Variants in FEV observed in about 807,000 individuals in gnomAD.
FEV encodes FEV transcription factor, ETS family member, also known as protein FEV.
Under a neutral mutation model 20.5 loss-of-function variants are expected in FEV, and 14 were observed. That is an observed-to-expected ratio of 0.68 (90% CI 0.45 to 1.07). FEV has a LOEUF of 1.07. Ranked by LOEUF, FEV falls within the 50% of genes least tolerant of loss-of-function variation. The probability of loss-of-function intolerance (pLI) is 0.00; values close to 1 mark genes in which losing one functional copy is unlikely to be tolerated. For synonymous variants in FEV, 188 were observed against 163.7 expected, an observed-to-expected ratio of 1.15 and a Z score of -1.13; for missense variants, 301 against 345.3, an observed-to-expected ratio of 0.87 and a Z score of 1.02.
In FEV at chr2:218,984,118, G is replaced by A. The variant is rs1362634219; in HGVS notation, c.127+113C>T. 9.4e-6 allele frequency: 10 copies of A among 1,067,396 alleles called. No individual in the cohort carries two copies. Among genetic ancestry groups the A allele is most frequent in the Non-Finnish European group, 1.1e-5 (8 of 742,808 alleles). 66.1% of individuals were successfully genotyped at this position (1,067,396 alleles called of 1,614,324 possible). On this transcript the variant is annotated intron_variant, in intron 2 of 2. Transcript: ENST00000295727. The surrounding 1 kb of genome is among the most constrained non-coding windows in gnomAD (Gnocchi z 5.0). ...CCAAGGCCTCCGCACAACCAGGCCAGGACTCCGGGCTTCAGTGTGAACCCT... is the reference window on the plus strand; with the variant it reads ...CCAAGGCCTCCGCACAACCAGGCCAAGACTCCGGGCTTCAGTGTGAACCCT...
Position 218,981,478 on chromosome 2 carries a change from G to A in FEV, c.*189C>T, listed in dbSNP as rs1945383561. 2 of 440,888 alleles carry A rather than the reference G, an allele frequency of 4.5e-6. No homozygotes were observed. The allele number at this position is 440,888 out of a possible 1,614,324, so 27.3% of individuals were successfully genotyped here. ...CCTCAGGGGACTGCGGGGTGGGACA[G>A]GAGCAAATCTAGTACCAGACAAGGA... On this transcript the variant is annotated 3_prime_UTR_variant, in exon 3 of 3. Coordinates refer to ENST00000295727, the MANE Select transcript of FEV (RefSeq NM_017521.3). The surrounding 1 kb of genome is among the most constrained non-coding windows in gnomAD (Gnocchi z 4.5).
intron 2 of FEV, among the ~76,000 whole-genome samples, chr2:218,983,748 G>A (rs557305156): frequency 1.3e-5 from 2 of 152,206 alleles, no homozygotes; most frequent in Non-Finnish European, 2.9e-5. Context: ...GTGAACCTGG[G>A]AATCAATTGC....
chr2:218,981,837 C>G lies in FEV; in HGVS notation c.547G>C (p.Ala183Pro), dbSNP rs1945389689. 8.1e-7 allele frequency: 1 copy of G among 1,235,668 alleles called. No homozygotes were observed. The highest frequency in any genetic ancestry group is 3.9e-5 in the South Asian group (1 of 25,698). The allele number at this position is 1,235,668 out of a possible 1,614,324, so 76.5% of individuals were successfully genotyped here. Residue 183 changes from alanine (A) to proline (P), a missense_variant, in exon 3 of 3, where the codon GCC becomes CCC. By Grantham distance (27) the Ala-to-Pro change is conservative. Transcript: ENST00000295727. This position sits in a 1 kb window ranked among gnomAD's most constrained non-coding sequence, Gnocchi z 4.5. The stretch of plus-strand genomic sequence containing the variant: ...CCGGCGGGCGCGACCCCGGCCGAGG[C>G]GGCCATGAGGTTGAGTTTGGAGAGG... Reference protein sequence around the residue: ...PGLSKLNLMAASAGVAPAGFS... With the variant: ...PGLSKLNLMAPSAGVAPAGFS...
chr2:218,981,938 G>A lies in FEV; in HGVS notation c.446C>T (p.Ala149Val). 1.4e-6 allele frequency: 2 copies of A among 1,390,774 alleles called. No homozygotes were observed. The highest frequency in any genetic ancestry group is 3.8e-5 in the South Asian group (2 of 53,040). The allele number at this position is 1,390,774 out of a possible 1,614,324, so 86.2% of individuals were successfully genotyped here. A position where few individuals can be genotyped will look rare whatever the true frequency, so the allele number is the denominator to read the frequency against. ...PAHAHAAAAA[A>V]AAAAAAQDGA... is the part of the protein sequence containing the mutation. ...GTCCTGGGCGGCCGCGGCGGCGGCA[G>A]CAGCTGCGGCGGCGGCATGAGCGTG... is the stretch of plus-strand genomic sequence containing the variant. The change falls in exon 3 of 3, where the codon GCT (alanine) becomes GTT (valine). Residue 149 changes from alanine (A) to valine (V), a missense_variant. Physicochemically the swap from Ala to Val is moderately conservative, Grantham distance 64. Transcript: ENST00000295727. The surrounding 1 kb of genome is among the most constrained non-coding windows in gnomAD (Gnocchi z 4.5).
In FEV at chr2:218,981,495, A is replaced by T; in HGVS notation, c.*172T>A. ...GTGGGACAGGAGCAAATCTAGTACC[A>T]GACAAGGATTGAGGGAGCTTCGGTC... On this transcript the variant is annotated 3_prime_UTR_variant, in exon 3 of 3. Transcript: ENST00000295727. The surrounding 1 kb of genome is among the most constrained non-coding windows in gnomAD (Gnocchi z 4.5). 2.1e-6 allele frequency: 1 copy of T among 468,096 alleles called. No individual in the cohort carries two copies. Among genetic ancestry groups the T allele is most frequent in the Non-Finnish European group, 3.4e-6 (1 of 291,562 alleles). 29.0% of individuals were successfully genotyped at this position (468,096 alleles called of 1,614,324 possible).
rs1217003670 is a variant in FEV at position 218,985,103 on chromosome 2, TG to T, written c.-29del. On this transcript the variant is annotated 5_prime_UTR_variant, in exon 1 of 3. Transcript: ENST00000295727. ...CCGCCGGGGACTGGGCGGTGGGAGA[TG>T]GGGGGGACGGGGAAGGGGGGCGAGG... The T allele has an allele frequency of 3.2e-5, 43 of 1,343,914 alleles. No individual in the cohort carries two copies. Among genetic ancestry groups the T allele is most frequent in the Middle Eastern group, 1.9e-4 (1 of 5,304 alleles). 83.2% of individuals were successfully genotyped at this position (1,343,914 alleles called of 1,614,324 possible).
Position 218,981,829 on chromosome 2 carries a change from G to A in FEV, c.555C>T (p.Ala185=). ...AGGAGAAGCCGGCGGGCGCGACCCC[G>A]GCCGAGGCGGCCATGAGGTTGAGTT... ...LSKLNLMAAS[A]GVAPAGFSYW... Residue 185 remains alanine (A), a synonymous_variant, in exon 3 of 3, where the codon GCC becomes GCT. Transcript: ENST00000295727. The surrounding 1 kb of genome is among the most constrained non-coding windows in gnomAD (Gnocchi z 4.5). 1 of 1,237,570 alleles carries A rather than the reference G, an allele frequency of 8.1e-7. No homozygotes were observed. Among genetic ancestry groups the A allele is most frequent in the Non-Finnish European group, 1.0e-6 (1 of 995,272 alleles). The allele number at this position is 1,237,570 out of a possible 1,614,324, so 76.7% of individuals were successfully genotyped here.
chr2:218,982,986 C>G (rs1222566267), intron 2 of FEV, among the ~76,000 whole-genome samples: 4 of 152,222 alleles, frequency 2.6e-5, no homozygotes, highest in African/African-American at 9.6e-5. Context: ...TCTGCGCTGG[C>G]CCTGAGAATT....
Position 218,984,193 on chromosome 2 carries a change from A to G in FEV, c.127+38T>C, listed in dbSNP as rs771196900. 9.0e-6 allele frequency: 14 copies of G among 1,556,432 alleles called. No individual in the cohort carries two copies. The Admixed American group carries it at 2.3e-4, about 25-fold the overall frequency. ...GTCCGCCTGTGCCCTGACCCCAACC[A>G]ACCTCGCCTCCGCCGCCCAGCGCGC... On this transcript the variant is annotated intron_variant, in intron 2 of 2. Transcript: ENST00000295727. The surrounding 1 kb of genome is among the most constrained non-coding windows in gnomAD (Gnocchi z 5.0).
rs527287063 is a variant in FEV at position 218,982,490 on chromosome 2, G to C, written c.128-234C>G. Among the ~76,000 whole-genome samples, 6 of 152,354 alleles carry C rather than the reference G, an allele frequency of 3.9e-5. No homozygotes were observed. In the South Asian group the frequency reaches 1.0e-3, roughly 26 times the overall value. On this transcript the variant is annotated intron_variant, in intron 2 of 2. Transcript: ENST00000295727. ...ATGGAAATGCGGCTTCCACTGAAGAGCACGTAGCTTTCCAGATGCACGGTT... is the reference window on the plus strand; with the variant it reads ...ATGGAAATGCGGCTTCCACTGAAGACCACGTAGCTTTCCAGATGCACGGTT...
At chr2:218,983,763 G>A (rs936213857) in intron 2 of FEV, among the ~76,000 whole-genome samples, 2 of 152,200 alleles carry the variant, frequency 1.3e-5, no homozygotes, top group African/African-American at 4.8e-5. Context: ...AATTGCAATC[G>A]TCTGGCAGAG....
chr2:218,982,288 G>A (rs1333305262), intron 2 of FEV, 32 bp from the exon 3 acceptor site: 1 of 1,524,074 alleles, frequency 6.6e-7, no homozygotes, highest in South Asian at 1.2e-5. Context: ...GCCACAGGCG[G>A]GAGCGGGGAG....
chr2:218,984,115 C>T lies in FEV; in HGVS notation c.127+116G>A. 9.6e-7 allele frequency: 1 copy of T among 1,039,400 alleles called. No individual in the cohort carries two copies. Among genetic ancestry groups the T allele is most frequent in the Non-Finnish European group, 1.4e-6 (1 of 718,462 alleles). The allele number at this position is 1,039,400 out of a possible 1,614,324, so 64.4% of individuals were successfully genotyped here. ...TTCCCAAGGCCTCCGCACAACCAGG[C>T]CAGGACTCCGGGCTTCAGTGTGAAC... On this transcript the variant is annotated intron_variant, in intron 2 of 2. Coordinates refer to ENST00000295727, the MANE Select transcript of FEV (RefSeq NM_017521.3). The surrounding 1 kb of genome is among the most constrained non-coding windows in gnomAD (Gnocchi z 5.0).
rs1159807755 is a variant in FEV at position 218,984,031 on chromosome 2, G to A, written c.127+200C>T. Among the ~76,000 whole-genome samples the A allele has an allele frequency of 1.3e-5, 2 of 152,186 alleles. No individual in the cohort carries two copies. The highest frequency in any genetic ancestry group is 2.9e-5 in the Non-Finnish European group (2 of 68,030). On this transcript the variant is annotated intron_variant, in intron 2 of 2. Transcript: ENST00000295727. This position sits in a 1 kb window ranked among gnomAD's most constrained non-coding sequence, Gnocchi z 5.0. ...GCTGGGATCCTCTCCATCTGCCTTG[G>A]CCTGCAACTCTTTTCCTGGTGCTCA... is the stretch of plus-strand genomic sequence containing the variant.
Position 218,981,509 on chromosome 2 carries a change from G to A in FEV, c.*158C>T, listed in dbSNP as rs904486679. On this transcript the variant is annotated 3_prime_UTR_variant, in exon 3 of 3. Coordinates refer to ENST00000295727, the MANE Select transcript of FEV (RefSeq NM_017521.3). This position sits in a 1 kb window ranked among gnomAD's most constrained non-coding sequence, Gnocchi z 4.5. Reference sequence around the variant, plus strand: ...AATCTAGTACCAGACAAGGATTGAGGGAGCTTCGGTCCCGTCCCCCTGCTA... The same window carrying A: ...AATCTAGTACCAGACAAGGATTGAGAGAGCTTCGGTCCCGTCCCCCTGCTA... The A allele has an allele frequency of 1.9e-6, 1 of 516,816 alleles. No individual in the cohort carries two copies. Among genetic ancestry groups the A allele is most frequent in the Non-Finnish European group, 3.0e-6 (1 of 335,888 alleles). 32.0% of individuals were successfully genotyped at this position (516,816 alleles called of 1,614,324 possible). A position where few individuals can be genotyped will look rare whatever the true frequency, so the allele number is the denominator to read the frequency against.
At position 218,984,952 on chromosome 2, in the gene FEV, T is replaced by G; in HGVS notation, c.52+72A>C. ...CTCCTTCCCCTGGACCCCAGCACTC[T>G]CTTCCCATGCCTGAGCCTAGACTTC... On this transcript the variant is annotated intron_variant, in intron 1 of 2. Transcript: ENST00000295727. This position sits in a 1 kb window ranked among gnomAD's most constrained non-coding sequence, Gnocchi z 5.0. 7.2e-7 allele frequency: 1 copy of G among 1,385,484 alleles called. No individual in the cohort carries two copies. The highest frequency in any genetic ancestry group is 1.4e-5 in the African/African-American group (1 of 69,912). The allele number at this position is 1,385,484 out of a possible 1,614,324, so 85.8% of individuals were successfully genotyped here.
In FEV at chr2:218,981,694, G is replaced by C; in HGVS notation, c.690C>G (p.Ala230=). Reference sequence around the variant, plus strand: ...AGTGGTAATGGCCCCCCAAGTGCGAGGCTGCGGCCACGGCCCCGAAGGGCC... The same window carrying C: ...AGTGGTAATGGCCCCCCAAGTGCGACGCTGCGGCCACGGCCCCGAAGGGCC... ...PPGPFGAVAA[A]SHLGGHYH is the part of the protein sequence containing the mutation. Residue 230 remains alanine, a synonymous_variant, in exon 3 of 3, where the codon GCC becomes GCG. Coordinates refer to ENST00000295727, the MANE Select transcript of FEV (RefSeq NM_017521.3). This position sits in a 1 kb window ranked among gnomAD's most constrained non-coding sequence, Gnocchi z 4.5. The C allele has an allele frequency of 7.4e-7, 1 of 1,342,696 alleles. No individual in the cohort carries two copies. Among genetic ancestry groups the C allele is most frequent in the Non-Finnish European group, 9.5e-7 (1 of 1,052,932 alleles). 83.2% of individuals were successfully genotyped at this position (1,342,696 alleles called of 1,614,324 possible).
rs745489853 is a variant in FEV at position 218,981,996 on chromosome 2, C to T, written c.388G>A (p.Gly130Ser). The change falls in exon 3 of 3, where the codon GGC becomes AGC. Residue 130 changes from glycine (G) to serine (S), a missense_variant. Transcript: ENST00000295727. This position sits in a 1 kb window ranked among gnomAD's most constrained non-coding sequence, Gnocchi z 4.5. ...KRYAYRFDFQ[G>S]LAQACQPPPA... ...GGCGGCTGGCAGGCCTGCGCCAGGC[C>T]CTGGAAGTCGAAGCGGTAGGCGTAG... 4 of 1,610,632 alleles carry T rather than the reference C, an allele frequency of 2.5e-6. No homozygotes were observed. Among genetic ancestry groups the T allele is most frequent in the African/African-American group, 1.3e-5 (1 of 74,558 alleles).
At chr2:218,982,301 G>A (rs2106011076) in intron 2 of FEV, 45 bp from the exon 3 acceptor site, 2 of 1,487,610 alleles carry the variant, frequency 1.3e-6, no homozygotes, top group East Asian at 4.9e-5. Flanking sequence ...GCGGGGAGGC[G>A]GGAACTGGGG....
Sources: allele counts gnomAD v4.1 joint callset (sites outside exome capture counted in the v4.1 genomes callset), GRCh38; gene constraint gnomAD v4.1.1; non-coding constraint Gnocchi (gnomAD v3.1); transcripts MANE v1.5; gene names NCBI Gene and HGNC (gene_info 2026-07-23, HGNC 2026-07-21).